NR2E1: variants seen among roughly 807,000 people sequenced by gnomAD.
NR2E1 encodes the protein nuclear receptor TLX.
A neutral mutation model predicts 43.6 loss-of-function variants in NR2E1; 5 were observed. The ratio of observed to expected loss-of-function variants is 0.11; its 90% CI spans 0.06 to 0.24. The LOEUF (loss-of-function observed/expected upper bound fraction) is 0.24, where lower values mean the gene tolerates loss of function less well. Ranked by LOEUF, NR2E1 falls within the 10% of genes least tolerant of loss-of-function variation. The pLI is 1.00. For missense variants in NR2E1, 287 were observed against 496.7 expected (o/e 0.58, Z 4.01); for synonymous variants, 191 against 195.5 (o/e 0.98, Z 0.19).
At chr6:108,177,933 T>C (rs899352421) in intron 4 of NR2E1, among the ~76,000 whole-genome samples, 162 bp from the exon 5 acceptor site, 3 of 152,198 alleles carry the variant, frequency 2.0e-5, no homozygotes, top group Non-Finnish European at 4.4e-5. Flanking sequence ...TAGACAGCGA[T>C]GTTTGATTTT....
At chr6:108,184,948 CT>C (rs1251411060) in intron 8 of NR2E1, among the ~76,000 whole-genome samples, 18 of 152,030 alleles carry the variant, frequency 1.2e-4, no homozygotes, top group African/African-American at 4.1e-4. Context: ...TCATGGAATT[CT>C]TATTTCATTC....
rs1235820784 is a variant in NR2E1 at position 108,187,778 on chromosome 6, C to T, written c.*315C>T. 12 of 389,438 alleles carry T rather than the reference C, an allele frequency of 3.1e-5. No individual in the cohort carries two copies. The highest frequency in any genetic ancestry group is 5.9e-5 in the Non-Finnish European group (12 of 204,730). The allele number at this position is 389,438 out of a possible 1,614,324, so 24.1% of individuals were successfully genotyped here. ...TCTGCCTCTTACCTGGAAGATCAGG[C>T]TGAACGATCAAAAGCTGAAACATAA... is the stretch of plus-strand genomic sequence containing the variant. On this transcript the variant is annotated 3_prime_UTR_variant, in exon 9 of 9. Coordinates refer to ENST00000368986, the MANE Select transcript of NR2E1 (RefSeq NM_003269.5).
intron 8 of NR2E1, among the ~76,000 whole-genome samples, chr6:108,183,729 GGA>G (rs1774030439): frequency 6.6e-6 from 1 of 152,102 alleles, no homozygotes; most frequent in Non-Finnish European, 1.5e-5. Context: ...CCCTGTCTAT[GGA>G]ATATCACTGA....
chr6:108,170,761 C>T (rs902718529), intron 1 of NR2E1, among the ~76,000 whole-genome samples: 4 of 152,040 alleles, frequency 2.6e-5, no homozygotes, highest in Non-Finnish European at 4.4e-5. Flanking sequence ...CAACTTGCGT[C>T]GCTCCCCTCT....
intron 5 of NR2E1, chr6:108,178,795 A>C (rs1387501994): frequency 5.9e-6 from 1 of 168,444 alleles, no homozygotes; most frequent in Non-Finnish European, 1.3e-5. Flanking sequence ...TTGATTCTTC[A>C]TGTACTTTTA....
Position 108,178,259 on chromosome 6 carries a change from C to A in NR2E1, c.642+18C>A, listed in dbSNP as rs1448518985. 104 of 1,613,862 alleles carry A rather than the reference C, an allele frequency of 6.4e-5. No individual in the cohort carries two copies. Among genetic ancestry groups the A allele is most frequent in the Non-Finnish European group, 8.6e-5 (102 of 1,179,854 alleles). ...AAGACCAGGTATGACCACACTGAGG[C>A]CTTGGGAGAAAGAGAGCTGGGAAAG... On this transcript the variant is annotated intron_variant, in intron 5 of 8. Transcript: ENST00000368986.
chr6:108,168,543 G>A (rs1001298014), intron 1 of NR2E1, among the ~76,000 whole-genome samples: 1 of 152,262 alleles, frequency 6.6e-6, no homozygotes, highest in African/African-American at 2.4e-5. Flanking sequence ...AACTTTGGCC[G>A]TTCTAACTTG....
intron 2 of NR2E1, among the ~76,000 whole-genome samples, chr6:108,171,916 G>T (rs1318163697): frequency 6.6e-6 from 1 of 152,076 alleles, no homozygotes; most frequent in Non-Finnish European, 1.5e-5. Context: ...CTCTAAAGCC[G>T]GCCCAAGGGA....
intron 1 of NR2E1, chr6:108,168,009 A>G (rs1773739332): frequency 6.3e-7 from 1 of 1,579,134 alleles, no homozygotes; most frequent in Non-Finnish European, 8.6e-7. Context: ...ATGAACGTGA[A>G]CAAAAAGAAA....
intron 1 of NR2E1, chr6:108,168,022 G>T: frequency 1.3e-6 from 2 of 1,590,588 alleles, no homozygotes; most frequent in Non-Finnish European, 8.6e-7. Flanking sequence ...AAAAGAAAAG[G>T]AGAAATGTTT....
At position 108,174,782 on chromosome 6, in the gene NR2E1, G is replaced by A. The variant is rs534750455; in HGVS notation, c.172-54G>A. The A allele has an allele frequency of 4.0e-6, 6 of 1,500,010 alleles. No homozygotes were observed. In the East Asian group the frequency reaches 1.4e-4, roughly 34 times the overall value. 92.9% of individuals were successfully genotyped at this position (1,500,010 alleles called of 1,614,324 possible). ...GTTTCCCCGCCCGGGTGCCGGCTCC[G>A]GGTCTCCAGCCTAAAGGCCCTGGGG... On this transcript the variant is annotated intron_variant, in intron 2 of 8. Transcript: ENST00000368986.
intron 8 of NR2E1, among the ~76,000 whole-genome samples, chr6:108,184,330 T>G (rs915026687): frequency 5.9e-5 from 9 of 151,614 alleles, no homozygotes; most frequent in African/African-American, 2.2e-4. Flanking sequence ...ATCCAGTTAT[T>G]GATCCAGTCA....
At chr6:108,185,777 C>T (rs928433387) in intron 8 of NR2E1, among the ~76,000 whole-genome samples, 25 of 152,302 alleles carry the variant, frequency 1.6e-4, no homozygotes, top group Admixed American at 3.3e-4. Context: ...CCAACCCTTT[C>T]CCAACTAAAG....
At position 108,178,148 on chromosome 6, in the gene NR2E1, G is replaced by T. The variant is rs1207519319; in HGVS notation, c.549G>T (p.Glu183Asp). 1 of 1,614,092 alleles carries T rather than the reference G, an allele frequency of 6.2e-7. No individual in the cohort carries two copies. The highest frequency in any genetic ancestry group is 1.3e-5 in the African/African-American group (1 of 74,936). ...TGTATCTCTATGAAGTGGCCACGGA[G>T]TCGGTGTGTGAATCAGCTGCCAGAC... is the stretch of plus-strand genomic sequence containing the variant. Reference protein sequence around the residue: ...TPMYLYEVATESVCESAARLL... With the variant: ...TPMYLYEVATDSVCESAARLL... The change falls in exon 5 of 9, where the codon GAG (glutamate) becomes GAT (aspartate). Residue 183 changes from glutamate to aspartate, a missense_variant. Coordinates refer to ENST00000368986, the MANE Select transcript of NR2E1 (RefSeq NM_003269.5).
At chr6:108,167,962 T>G (rs2114668816) in intron 1 of NR2E1, 1 of 1,507,400 alleles carries the variant, frequency 6.6e-7, no homozygotes, top group East Asian at 2.4e-5. Context: ...TCATTTTGTT[T>G]TGCTTTGGGT....
chr6:108,174,880 G>T lies in NR2E1; in HGVS notation c.216G>T (p.Ala72=). ...VDKTHRNQCR[A]CRLKKCLEVN... ...AGACGCACAGAAACCAGTGCAGGGC[G>T]TGTCGGCTGAAGAAGTGTTTGGAAG... The change falls in exon 3 of 9, where the codon GCG becomes GCT. Residue 72 remains alanine, a synonymous_variant. Coordinates refer to ENST00000368986, the MANE Select transcript of NR2E1 (RefSeq NM_003269.5). 1 of 1,614,188 alleles carries T rather than the reference G, an allele frequency of 6.2e-7. No individual in the cohort carries two copies.
At chr6:108,177,581 G>A (rs1333677356) in intron 4 of NR2E1, among the ~76,000 whole-genome samples, 1 of 152,254 alleles carries the variant, frequency 6.6e-6, no homozygotes, top group African/African-American at 2.4e-5. Flanking sequence ...ATAAGCTCTG[G>A]AAAGTAGTGT....
intron 8 of NR2E1, among the ~76,000 whole-genome samples, chr6:108,182,210 C>T (rs1305475229): frequency 6.7e-6 from 1 of 148,198 alleles, no homozygotes; most frequent in Non-Finnish European, 1.5e-5. Context: ...CCACTGCACT[C>T]CAGCCTGGGC....
At chr6:108,182,323 C>T (rs1305345252) in intron 8 of NR2E1, among the ~76,000 whole-genome samples, 1 of 150,636 alleles carries the variant, frequency 6.6e-6, no homozygotes, top group Admixed American at 6.6e-5. Flanking sequence ...TGAGAAAACA[C>T]AGGTGACTTT....
Sources: gnomAD v4.1 joint callset for allele counts (sites outside exome capture counted in the v4.1 genomes callset) on GRCh38, gnomAD v4.1.1 for gene constraint, MANE v1.5 for transcripts, NCBI Gene and HGNC (gene_info 2026-07-23, HGNC 2026-07-21) for gene names.